The following CFAP54 variants were observed in gnomAD, a reference collection of about 807,000 sequenced individuals.
CFAP54 encodes cilia and flagella associated protein 54.
A neutral mutation model predicts 370.4 loss-of-function variants in CFAP54; 290 were observed. The observed-to-expected ratio is 0.78, with a 90% CI of 0.71 to 0.86. CFAP54 has a LOEUF of 0.86. Ranked by LOEUF, CFAP54 falls within the 40% of genes least tolerant of loss-of-function variation. CFAP54 has a pLI of 0.00. For synonymous variants in CFAP54, 1,206 were observed against 1,236.5 expected, an observed-to-expected ratio of 0.98 and a Z score of 0.52; for missense variants, 3,399 against 3,528.7, an observed-to-expected ratio of 0.96 and a Z score of 0.93.
At chr12:96,804,031 G>A (rs1958851211) in intron 63 of CFAP54, among the ~76,000 whole-genome samples, 1 of 151,830 alleles carries the variant, frequency 6.6e-6, no homozygotes, top group African/African-American at 2.4e-5. Flanking sequence ...ATTTACCAAG[G>A]AGATAAATAT....
intron 39 of CFAP54, among the ~76,000 whole-genome samples, chr12:96,669,593 GGGA>G (rs1186100432): frequency 3.3e-5 from 5 of 152,338 alleles, no homozygotes; most frequent in African/African-American, 1.2e-4. Context: ...GGGTGAGGAA[GGGA>G]GGAGTTCAAG....
intron 50 of CFAP54, among the ~76,000 whole-genome samples, chr12:96,737,584 G>T (rs1377382080): frequency 6.6e-6 from 1 of 151,366 alleles, no homozygotes; most frequent in African/African-American, 2.4e-5. Context: ...CTGCCTCCCG[G>T]GTTCAAACCA....
chr12:96,743,679 T>C, intron 53 of CFAP54, 52 bp from the exon 54 acceptor site: 2 of 1,555,484 alleles, frequency 1.3e-6, no homozygotes, highest in East Asian at 2.3e-5. Context: ...CCAGCTCTTG[T>C]TTCAGTGAAT....
At chr12:96,499,674 G>A (rs148882400) in intron 1 of CFAP54, among the ~76,000 whole-genome samples, 85 of 152,136 alleles carry the variant, frequency 5.6e-4, no homozygotes, top group African/African-American at 1.8e-3. Flanking sequence ...GGCTGGGAGC[G>A]GTGGCTCATG....
At chr12:96,737,495 TG>T (rs1957993160) in intron 50 of CFAP54, among the ~76,000 whole-genome samples, 2 of 122,116 alleles carry the variant, frequency 1.6e-5, no homozygotes, top group Admixed American at 8.2e-5. Context: ...ATATATGTTT[TG>T]TTTTTTTTTT....
chr12:96,648,840 T>TGCCTCC (rs1432545483), intron 34 of CFAP54, among the ~76,000 whole-genome samples: 2 of 152,014 alleles, frequency 1.3e-5, no homozygotes, highest in Non-Finnish European at 2.9e-5. Flanking sequence ...CACCTGCCTC[T>TGCCTCC]GCCTCCCAAA....
chr12:96,819,053 C>T (rs1959004364), intron 65 of CFAP54, among the ~76,000 whole-genome samples: 1 of 152,236 alleles, frequency 6.6e-6, no homozygotes, highest in South Asian at 2.1e-4. Flanking sequence ...AGGCAATCTG[C>T]TGCCCAACCT....
At chr12:96,717,907 G>C (rs552165145) in intron 48 of CFAP54, among the ~76,000 whole-genome samples, 1 of 152,202 alleles carries the variant, frequency 6.6e-6, no homozygotes, top group African/African-American at 2.4e-5. Flanking sequence ...CTGATTTGTT[G>C]TAAGAATCAG....
At chr12:96,643,671 T>TTC (rs1244327196) in intron 32 of CFAP54, among the ~76,000 whole-genome samples, 1 of 152,198 alleles carries the variant, frequency 6.6e-6, no homozygotes, top group African/African-American at 2.4e-5. Context: ...TATATTTTTT[T>TTC]CTGGAGCATA....
chr12:96,540,172 G>A (rs1247458886), intron 13 of CFAP54: 1 of 151,976 alleles, frequency 6.6e-6, no homozygotes, highest in African/African-American at 2.4e-5. Flanking sequence ...GCACGATCCT[G>A]GCCCACTGCA....
chr12:96,810,903 C>T (rs182978271), intron 63 of CFAP54, among the ~76,000 whole-genome samples: 46 of 152,196 alleles, frequency 3.0e-4, no homozygotes, highest in African/African-American at 8.4e-4. Flanking sequence ...GACTATTGTA[C>T]GTCTTTTGGA....
At chr12:96,640,542 C>G (rs11829814) in intron 32 of CFAP54, among the ~76,000 whole-genome samples, 100 of 152,282 alleles carry the variant, frequency 6.6e-4, no homozygotes, top group African/African-American at 2.4e-3. Flanking sequence ...ATCAACCTAC[C>G]AATGACTTTC....
intron 38 of CFAP54, among the ~76,000 whole-genome samples, 197 bp downstream of exon 38, chr12:96,658,543 CAAG>C: frequency 6.6e-6 from 1 of 152,242 alleles, no homozygotes; most frequent in South Asian, 2.1e-4. Context: ...TCCCTGTCCA[CAAG>C]AAGTTCATAT....
rs377258848 is a variant in CFAP54, at chr12:96,663,725, A to G, written c.5461-105A>G. 4.3e-5 allele frequency: 32 copies of G among 739,566 alleles called. No individual in the cohort carries two copies. In the African/African-American group the frequency reaches 5.4e-4, roughly 12 times the overall value. The allele number at this position is 739,566 out of a possible 1,614,324, so 45.8% of individuals were successfully genotyped here. ...AGCTTTTTTTGTAGCATTGTTATGTATCTCTTTATTCTGATAAATAAAAAA... is the reference window on the plus strand; with the variant it reads ...AGCTTTTTTTGTAGCATTGTTATGTGTCTCTTTATTCTGATAAATAAAAAA... On this transcript the variant is annotated intron_variant, in intron 38 of 67. Transcript: ENST00000524981.
chr12:96,792,604 A>G, intron 63 of CFAP54, 105 bp downstream of exon 63: 1 of 793,920 alleles, frequency 1.3e-6, no homozygotes, highest in South Asian at 2.4e-5. Flanking sequence ...TATAGATGAG[A>G]ACAGGTATCA....
chr12:96,714,723 G>A lies in CFAP54; in HGVS notation c.6725-3720G>A, dbSNP rs139972531. The stretch of plus-strand genomic sequence containing the variant: ...TGGAATCAAACAGAATGTGTGCAGG[G>A]GAATCAGAGTGAATGGAGATAAATG... On this transcript the variant is annotated intron_variant, in intron 48 of 67. Transcript: ENST00000524981. 1.9e-3 allele frequency among the ~76,000 whole-genome samples: 286 copies of A among 152,156 alleles called. 1 individual carries two copies. The highest frequency in any genetic ancestry group is 2.5e-3 in the Non-Finnish European group (171 of 68,006).
intron 2 of CFAP54, 150 bp downstream of exon 2, chr12:96,501,089 G>A: frequency 2.0e-6 from 1 of 503,452 alleles, no homozygotes; most frequent in Non-Finnish European, 3.5e-6. Context: ...ATAAGGCACA[G>A]TAACCAAAAA....
intron 39 of CFAP54, among the ~76,000 whole-genome samples, chr12:96,674,011 G>A (rs530230374): frequency 1.3e-5 from 2 of 152,328 alleles, no homozygotes; most frequent in Admixed American, 1.3e-4. Context: ...AAGCTCCATA[G>A]GGGAGATAAC....
At chr12:96,871,132 T>A (rs1461837382) in intron 67 of CFAP54, among the ~76,000 whole-genome samples, 1 of 152,166 alleles carries the variant, frequency 6.6e-6, no homozygotes, top group Admixed American at 6.5e-5. Flanking sequence ...CCTAAAACTG[T>A]TGGCTGACTA....
Sources: allele counts gnomAD v4.1 joint callset (sites outside exome capture counted in the v4.1 genomes callset), GRCh38; gene constraint gnomAD v4.1.1; transcripts MANE v1.5; gene names NCBI Gene and HGNC (gene_info 2026-07-23, HGNC 2026-07-21).